Variants in GALNTL6 observed in about 807,000 individuals in gnomAD.
The protein encoded by GALNTL6 is polypeptide N-acetylgalactosaminyltransferase-like 6.
A neutral mutation model predicts 73.7 loss-of-function variants in GALNTL6; 46 were observed. That is an observed-to-expected ratio of 0.62 (90% CI 0.49 to 0.80). The LOEUF is 0.80. GALNTL6 is among the 30% of genes least tolerant of loss of function. The probability of loss-of-function intolerance (pLI) is 0.00; values close to 1 mark genes in which losing one functional copy is unlikely to be tolerated. For synonymous variants in GALNTL6, 259 were observed against 263.7 expected (o/e 0.98, Z 0.17); for missense variants, 604 against 755.0 (o/e 0.80, Z 2.34).
chr4:172,663,390 T>TATAGC (rs55816018), intron 5 of GALNTL6, among the ~76,000 whole-genome samples: 64,111 of 151,588 alleles, frequency 0.42, 15,745 homozygotes, highest in East Asian at 0.68. Flanking sequence ...ATATTAAGTG[T>TATAGC]ATAGCATTAA....
At chr4:172,049,227 TAA>T (rs76551818) in intron 2 of GALNTL6, among the ~76,000 whole-genome samples, 1 of 151,962 alleles carries the variant, frequency 6.6e-6, no homozygotes, top group Non-Finnish European at 1.5e-5. Context: ...CTTCATGAAA[TAA>T]AAATTTTTTT....
At chr4:171,883,214 A>C (rs1222300746) in intron 2 of GALNTL6, among the ~76,000 whole-genome samples, 2 of 151,920 alleles carry the variant, frequency 1.3e-5, no homozygotes, top group African/African-American at 4.8e-5. Flanking sequence ...TTAGCTGCTC[A>C]TGGTGGCGCA....
At chr4:172,297,242 A>T (rs1032510870) in intron 3 of GALNTL6, among the ~76,000 whole-genome samples, 16 of 152,094 alleles carry the variant, frequency 1.1e-4, no homozygotes, top group Non-Finnish European at 7.4e-5. Context: ...TTCTTTGTAG[A>T]TTCTGGATAT....
intron 4 of GALNTL6, among the ~76,000 whole-genome samples, chr4:172,334,587 C>A (rs756972170): frequency 4.6e-5 from 7 of 152,098 alleles, no homozygotes; most frequent in Non-Finnish European, 8.8e-5. Flanking sequence ...TATCCTGAAA[C>A]TTTACTGAAG....
rs1302913860 is a variant in GALNTL6 at position 172,609,623 on chromosome 4, CTCTGTG to C, written c.554-199736_554-199731del. ...GTTTTCTCTCTCTCTCTCTCTCTCTCTCTGTGTGTGTGTGTGTGTGTGTGTGTGTGT... is the reference window on the plus strand; with the variant it reads ...GTTTTCTCTCTCTCTCTCTCTCTCTCTGTGTGTGTGTGTGTGTGTGTGTGT... On this transcript the variant is annotated intron_variant, in intron 5 of 12. Transcript: ENST00000506823. Among the ~76,000 whole-genome samples the C allele has an allele frequency of 7.4e-4, 69 of 92,618 alleles. No homozygotes were observed. The East Asian group carries it at 0.011, about 15-fold the overall frequency. 60.8% of individuals were successfully genotyped at this position (92,618 alleles called of 152,430 possible). A position where few individuals can be genotyped will look rare whatever the true frequency, so the allele number is the denominator to read the frequency against.
chr4:172,733,113 T>A (rs901814613), intron 5 of GALNTL6, among the ~76,000 whole-genome samples: 16 of 152,214 alleles, frequency 1.1e-4, no homozygotes, highest in African/African-American at 3.6e-4. Context: ...GCAAAACGGG[T>A]CTGTTGGTGG....
At chr4:171,886,014 G>C (rs939316673) in intron 2 of GALNTL6, among the ~76,000 whole-genome samples, 9 of 151,932 alleles carry the variant, frequency 5.9e-5, no homozygotes, top group African/African-American at 1.7e-4. Flanking sequence ...AAGGCTGTTA[G>C]AACCAGAAAA....
chr4:172,839,202 C>T (rs1415600743), intron 7 of GALNTL6, among the ~76,000 whole-genome samples: 3 of 152,174 alleles, frequency 2.0e-5, no homozygotes, highest in Admixed American at 6.5e-5. Flanking sequence ...GAGCCGAAAC[C>T]CAATATGAAT....
chr4:172,472,605 G>A (rs1269872800), intron 5 of GALNTL6, among the ~76,000 whole-genome samples: 1 of 152,086 alleles, frequency 6.6e-6, no homozygotes, highest in Non-Finnish European at 1.5e-5. Flanking sequence ...GAGTAGATAT[G>A]GGCCCTTATT....
chr4:172,486,603 G>A (rs768689939), intron 5 of GALNTL6, among the ~76,000 whole-genome samples: 1 of 152,132 alleles, frequency 6.6e-6, no homozygotes, highest in Non-Finnish European at 1.5e-5. Context: ...TCCAGTTTCA[G>A]CCTAGATCAC....
At chr4:172,054,497 T>G (rs1730966227) in intron 2 of GALNTL6, among the ~76,000 whole-genome samples, 1 of 152,118 alleles carries the variant, frequency 6.6e-6, no homozygotes, top group South Asian at 2.1e-4. Context: ...GATCAAGGCT[T>G]CCAGCAGGTT....
At chr4:172,513,674 A>G (rs771927037) in intron 5 of GALNTL6, among the ~76,000 whole-genome samples, 1 of 152,082 alleles carries the variant, frequency 6.6e-6, no homozygotes, top group East Asian at 1.9e-4. Flanking sequence ...AGCAATTGAT[A>G]TTTCTCTTCT....
intron 3 of GALNTL6, among the ~76,000 whole-genome samples, chr4:172,255,814 A>G (rs993775087): frequency 6.6e-6 from 1 of 151,338 alleles, no homozygotes; most frequent in African/African-American, 2.4e-5. Flanking sequence ...AATCATAAAT[A>G]TACTATATAT....
chr4:172,261,225 A>G (rs1271873489), intron 3 of GALNTL6, among the ~76,000 whole-genome samples: 1 of 151,438 alleles, frequency 6.6e-6, no homozygotes, highest in East Asian at 1.9e-4. Context: ...TTGTGAATCA[A>G]TCTGGTCCTG....
At chr4:172,433,691 T>C (rs990827029) in intron 5 of GALNTL6, among the ~76,000 whole-genome samples, 1 of 149,442 alleles carries the variant, frequency 6.7e-6, no homozygotes, top group South Asian at 2.1e-4. Context: ...ATCTGCCCCT[T>C]GCCCAGTGAT....
intron 2 of GALNTL6, among the ~76,000 whole-genome samples, chr4:171,821,450 G>A (rs1377569279): frequency 2.6e-5 from 4 of 152,066 alleles, no homozygotes; most frequent in Non-Finnish European, 5.9e-5. Context: ...AGGTCAGAGT[G>A]TAGTCTCTAG....
chr4:172,164,264 A>G (rs1021513222), intron 2 of GALNTL6, among the ~76,000 whole-genome samples: 3 of 152,244 alleles, frequency 2.0e-5, no homozygotes, highest in East Asian at 1.9e-4. Flanking sequence ...TGGTAAAAAT[A>G]AAGTTAGTGG....
chr4:172,157,283 G>A (rs1055469742), intron 2 of GALNTL6, among the ~76,000 whole-genome samples: 12 of 152,172 alleles, frequency 7.9e-5, no homozygotes, highest in African/African-American at 2.9e-4. Context: ...AAGGAGCAAT[G>A]CAGCCTACAA....
intron 2 of GALNTL6, among the ~76,000 whole-genome samples, chr4:171,847,297 A>C (rs1204456044): frequency 1.3e-5 from 2 of 152,194 alleles, no homozygotes; most frequent in African/African-American, 4.8e-5. Context: ...ATACAATAGC[A>C]TTATACCTGA....
Sources: gnomAD v4.1 joint callset for allele counts (sites outside exome capture counted in the v4.1 genomes callset) on GRCh38, gnomAD v4.1.1 for gene constraint, MANE v1.5 for transcripts, NCBI Gene and HGNC (gene_info 2026-07-23, HGNC 2026-07-21) for gene names.